Variants in FAM124A observed in about 807,000 individuals in gnomAD.
FAM124A encodes protein FAM124A.
FAM124A carries 23 observed loss-of-function variants against 24.5 expected under a neutral mutation model. That is an observed-to-expected ratio of 0.94 (90% CI 0.68 to 1.33). The LOEUF (loss-of-function observed/expected upper bound fraction) is 1.33. Ranked by LOEUF, FAM124A falls within the 40% of genes most tolerant of loss-of-function variation. The probability of loss-of-function intolerance (pLI) is 0.00; values close to 1 mark genes in which losing one functional copy is unlikely to be tolerated. For missense variants in FAM124A, 623 were observed against 722.8 expected, an observed-to-expected ratio of 0.86 and a Z score of 1.58; for synonymous variants, 287 against 314.7, an observed-to-expected ratio of 0.91 and a Z score of 0.93.
chr13:51,268,427 A>G (rs1310799509), intron 3 of FAM124A, among the ~76,000 whole-genome samples: 1 of 152,256 alleles, frequency 6.6e-6, no homozygotes, highest in Non-Finnish European at 1.5e-5. Context: ...AGCGTCTTTT[A>G]TCTCCTTTTC....
chr13:51,277,958 A>T (rs1193728810), intron 3 of FAM124A, among the ~76,000 whole-genome samples: 1 of 152,206 alleles, frequency 6.6e-6, no homozygotes, highest in African/African-American at 2.4e-5. Context: ...TCAGTTACTG[A>T]ATTCCAATTT....
chr13:51,257,216 A>G (rs931332036), intron 3 of FAM124A, among the ~76,000 whole-genome samples: 3 of 152,154 alleles, frequency 2.0e-5, no homozygotes, highest in African/African-American at 7.2e-5. Context: ...GAATTGCTGG[A>G]TTGTACAGTA....
chr13:51,262,169 A>G (rs1381042258), intron 3 of FAM124A, among the ~76,000 whole-genome samples: 1 of 152,186 alleles, frequency 6.6e-6, no homozygotes, highest in Non-Finnish European at 1.5e-5. Flanking sequence ...GCAGAGACCA[A>G]ATCCTGTCTG....
intron 2 of FAM124A, among the ~76,000 whole-genome samples, chr13:51,246,448 C>T (rs1048012477): frequency 2.8e-5 from 4 of 144,702 alleles, no homozygotes; most frequent in Admixed American, 7.3e-5. Flanking sequence ...CTTGAAGCTG[C>T]GTTCTGTGTT....
At position 51,251,432 on chromosome 13, in the gene FAM124A, TATTC is replaced by T. The variant is rs768546937; in HGVS notation, c.101-29_101-26del. 50 of 1,492,610 alleles carry T rather than the reference TATTC, an allele frequency of 3.3e-5. No homozygotes were observed. The Admixed American group carries it at 8.4e-4, about 25-fold the overall frequency. 92.5% of individuals were successfully genotyped at this position (1,492,610 alleles called of 1,614,324 possible). On this transcript the variant is annotated intron_variant, in intron 2 of 3. Coordinates refer to ENST00000322475, the MANE Select transcript of FAM124A (RefSeq NM_001242312.2). This position sits in a 1 kb window ranked among gnomAD's most constrained non-coding sequence, Gnocchi z 5.3. ...CACTTTAATGAAATAATCATAATTG[TATTC>T]ATTCATCCATTCGTTTTTTGCGTGC...
chr13:51,241,634 G>C (rs190958589), intron 2 of FAM124A, among the ~76,000 whole-genome samples: 4 of 152,132 alleles, frequency 2.6e-5, no homozygotes, highest in African/African-American at 9.6e-5. Flanking sequence ...TCTCCAAATG[G>C]GCCCAAAGTA....
intron 3 of FAM124A, among the ~76,000 whole-genome samples, chr13:51,271,532 A>G (rs745403957): frequency 3.2e-4 from 49 of 152,320 alleles, no homozygotes; most frequent in Admixed American, 1.5e-3. Context: ...CATTAATTCA[A>G]ATCACCTGAG....
chr13:51,234,804 C>T (rs918649624), intron 2 of FAM124A, among the ~76,000 whole-genome samples: 9 of 152,110 alleles, frequency 5.9e-5, no homozygotes, highest in Admixed American at 4.6e-4. Context: ...AAGCAAGGGC[C>T]GGCCAGAATC....
chr13:51,266,458 G>A (rs1443278020), intron 3 of FAM124A, among the ~76,000 whole-genome samples: 1 of 152,158 alleles, frequency 6.6e-6, no homozygotes, highest in Non-Finnish European at 1.5e-5. Flanking sequence ...ATGCTCTGAG[G>A]ATGCATCTGC....
At chr13:51,248,550 G>A (rs957466995) in intron 2 of FAM124A, among the ~76,000 whole-genome samples, 7 of 152,334 alleles carry the variant, frequency 4.6e-5, no homozygotes, top group South Asian at 2.1e-4. Flanking sequence ...CTTGCCCTGC[G>A]TCTTTGGGTG....
chr13:51,257,283 G>A (rs1396542355), intron 3 of FAM124A, among the ~76,000 whole-genome samples: 1 of 152,206 alleles, frequency 6.6e-6, no homozygotes, highest in African/African-American at 2.4e-5. Context: ...TAGCAGCTGT[G>A]TCATTTCACA....
chr13:51,229,772 AT>A (rs1262269016), intron 1 of FAM124A, among the ~76,000 whole-genome samples: 2 of 152,226 alleles, frequency 1.3e-5, no homozygotes, highest in African/African-American at 4.8e-5. Context: ...AAGTTTATAT[AT>A]AATTACATTT....
At chr13:51,234,457 T>A (rs536459893) in intron 2 of FAM124A, among the ~76,000 whole-genome samples, 3 of 151,818 alleles carry the variant, frequency 2.0e-5, no homozygotes, top group African/African-American at 7.3e-5. Context: ...GGTATAAGAG[T>A]GGTGGCGTGG....
At chr13:51,240,543 A>G (rs552585031) in intron 2 of FAM124A, among the ~76,000 whole-genome samples, 1 of 152,302 alleles carries the variant, frequency 6.6e-6, no homozygotes, top group African/African-American at 2.4e-5. Flanking sequence ...AGGCTTGAGG[A>G]GAGTGAGGCT....
intron 2 of FAM124A, among the ~76,000 whole-genome samples, chr13:51,235,520 T>G (rs1414054926): frequency 1.3e-5 from 2 of 152,230 alleles, no homozygotes; most frequent in Non-Finnish European, 2.9e-5. Context: ...TTAAAAATTA[T>G]ATTTTTAGGA....
intron 2 of FAM124A, among the ~76,000 whole-genome samples, chr13:51,235,391 A>G (rs183044759): frequency 6.6e-6 from 1 of 152,278 alleles, no homozygotes; most frequent in African/African-American, 2.4e-5. Context: ...TATGCCAGGA[A>G]AAAAAGCAAC....
At chr13:51,236,957 C>T (rs1249175129) in intron 2 of FAM124A, among the ~76,000 whole-genome samples, 1 of 152,166 alleles carries the variant, frequency 6.6e-6, no homozygotes, top group Non-Finnish European at 1.5e-5. Flanking sequence ...TATTAATTCT[C>T]ATAAAGAACA....
intron 1 of FAM124A, among the ~76,000 whole-genome samples, chr13:51,223,813 CAT>C (rs1954288193): frequency 7.1e-6 from 1 of 140,716 alleles, no homozygotes; most frequent in African/African-American, 2.5e-5. Flanking sequence ...GTGTAAGTGG[CAT>C]TTATCAACTT....
At chr13:51,250,300 A>G (rs1425796540) in intron 2 of FAM124A, among the ~76,000 whole-genome samples, 2 of 152,186 alleles carry the variant, frequency 1.3e-5, no homozygotes, top group Non-Finnish European at 2.9e-5. Context: ...CCTAGTGGAC[A>G]CTGTGAGGCA....
Sources: allele counts gnomAD v4.1 joint callset (sites outside exome capture counted in the v4.1 genomes callset), GRCh38; gene constraint gnomAD v4.1.1; non-coding constraint Gnocchi (gnomAD v3.1); transcripts MANE v1.5; gene names NCBI Gene and HGNC (gene_info 2026-07-23, HGNC 2026-07-21).